ST18: variants seen among roughly 807,000 people sequenced by gnomAD.
ST18 encodes the protein ST18 C2H2C-type zinc finger transcription factor, also known as suppression of tumorigenicity 18 protein.
Under a neutral mutation model 110.0 loss-of-function variants are expected in ST18, and 50 were observed. The observed-to-expected ratio is 0.45, with a 90% CI of 0.36 to 0.58. The LOEUF (loss-of-function observed/expected upper bound fraction) is 0.58, where lower values mean the gene tolerates loss of function less well. Ranked by LOEUF, ST18 falls within the 20% of genes least tolerant of loss-of-function variation. ST18 has a pLI of 0.00. For synonymous variants in ST18, 461 were observed against 452.4 expected (o/e 1.02, Z -0.24); for missense variants, 1,306 against 1,280.1 (o/e 1.02, Z -0.31).
In ST18 at chr8:52,118,558, A is replaced by C. The variant is rs1377082222; in HGVS notation, c.2756-117T>G. ...AGACTTTCATTTAGTGTTTTTACCA[A>C]AACAATGCATATCTAGGATTCTGAA... On this transcript the variant is annotated intron_variant, in intron 23 of 25. Transcript: ENST00000689386. 4 of 561,608 alleles carry C rather than the reference A, an allele frequency of 7.1e-6. No homozygotes were observed. The East Asian group carries it at 1.2e-4, about 17-fold the overall frequency. 34.8% of individuals were successfully genotyped at this position (561,608 alleles called of 1,614,324 possible).
chr8:52,256,325 C>T (rs566134367), intron 2 of ST18, among the ~76,000 whole-genome samples: 8 of 152,302 alleles, frequency 5.3e-5, no homozygotes, highest in African/African-American at 1.2e-4. Flanking sequence ...GATACTCCAA[C>T]GCAAGGACAA....
At chr8:52,287,035 G>T (rs2095482089) in intron 2 of ST18, among the ~76,000 whole-genome samples, 1 of 152,064 alleles carries the variant, frequency 6.6e-6, no homozygotes, top group Non-Finnish European at 1.5e-5. Context: ...GGCTGAAACA[G>T]GTTACAGATT....
intron 2 of ST18, chr8:52,405,870 G>A (rs1450863449): frequency 6.6e-6 from 1 of 152,090 alleles, no homozygotes; most frequent in Non-Finnish European, 1.5e-5. Context: ...TGGGGGAAGG[G>A]GTGGTCATCA....
chr8:52,262,297 T>C (rs1190580316), intron 2 of ST18, among the ~76,000 whole-genome samples: 1 of 152,166 alleles, frequency 6.6e-6, no homozygotes, highest in Non-Finnish European at 1.5e-5. Context: ...TTCCAACACA[T>C]AAACTTTTGG....
At chr8:52,286,923 C>T (rs1482424336) in intron 2 of ST18, among the ~76,000 whole-genome samples, 2 of 151,990 alleles carry the variant, frequency 1.3e-5, no homozygotes. Flanking sequence ...AACCAACCCA[C>T]CACGGCTTGA....
At chr8:52,368,283 A>T (rs1056615538) in intron 2 of ST18, among the ~76,000 whole-genome samples, 34 of 152,372 alleles carry the variant, frequency 2.2e-4, no homozygotes, top group African/African-American at 7.9e-4. Flanking sequence ...TTCTAAAAGA[A>T]GGAAAATAGT....
chr8:52,268,241 C>T (rs1004514193), intron 2 of ST18, among the ~76,000 whole-genome samples: 11 of 152,188 alleles, frequency 7.2e-5, no homozygotes, highest in African/African-American at 2.4e-4. Flanking sequence ...AAAGAGTTGT[C>T]TGCAAGTTTT....
chr8:52,185,409 G>T (rs988602764), intron 8 of ST18, among the ~76,000 whole-genome samples: 1 of 152,084 alleles, frequency 6.6e-6, no homozygotes, highest in Non-Finnish European at 1.5e-5. Flanking sequence ...TTTCTTAGAA[G>T]TTTACAAGTT....
At chr8:52,406,966 G>GC (rs1564674755) in intron 2 of ST18, 2 of 152,144 alleles carry the variant, frequency 1.3e-5, no homozygotes, top group Non-Finnish European at 2.9e-5. Flanking sequence ...TTTGTTATGC[G>GC]TTCGTGAACT....
Position 52,149,978 on chromosome 8 carries a change from C to A in ST18, c.1807-1G>T. ...TTTCATCCACTTCTATTTCGGCTCC[C>A]TGGTATACAATAGGAAACAGAAAAA... On this transcript the variant is annotated splice_acceptor_variant, in intron 15 of 25. Transcript: ENST00000689386. LOFTEE classifies it high-confidence loss of function. 1 of 1,612,622 alleles carries A rather than the reference C, an allele frequency of 6.2e-7. No individual in the cohort carries two copies. The highest frequency in any genetic ancestry group is 8.5e-7 in the Non-Finnish European group (1 of 1,179,324).
At chr8:52,342,620 C>T (rs1306542949) in intron 2 of ST18, among the ~76,000 whole-genome samples, 1 of 152,228 alleles carries the variant, frequency 6.6e-6, no homozygotes, top group Admixed American at 6.5e-5. Context: ...GCACACAAAC[C>T]TCCCAGGGGC....
chr8:52,187,494 G>A (rs1339200710), intron 8 of ST18, among the ~76,000 whole-genome samples: 1 of 152,208 alleles, frequency 6.6e-6, no homozygotes, highest in Non-Finnish European at 1.5e-5. Context: ...AGTGAACACA[G>A]CCAATGATGG....
chr8:52,238,147 G>A (rs1424524721), intron 2 of ST18, among the ~76,000 whole-genome samples: 1 of 152,174 alleles, frequency 6.6e-6, no homozygotes, highest in Non-Finnish European at 1.5e-5. Flanking sequence ...TTGAAAAATA[G>A]CTGGCAATTT....
At chr8:52,365,121 A>AT (rs1827328256) in intron 2 of ST18, among the ~76,000 whole-genome samples, 2 of 151,416 alleles carry the variant, frequency 1.3e-5, no homozygotes, top group Admixed American at 6.6e-5. Context: ...CTTAAAAAAA[A>AT]AATAAAGAGA....
chr8:52,166,740 A>G, intron 11 of ST18, 112 bp downstream of exon 11: 3 of 1,340,392 alleles, frequency 2.2e-6, no homozygotes, highest in Non-Finnish European at 2.9e-6. Flanking sequence ...GGCTTGACAT[A>G]GTTTAAAAAA....
chr8:52,171,851 C>A lies in ST18; in HGVS notation c.1010G>T (p.Gly337Val), dbSNP rs774651497. ...GATAACTTTGGTTTGCCTCCTTTCC[C>A]CTGCTAGGTGCTCCAGCAGGAACCT... ...LDRFLLEHLA[G>V]ERRQTKVIDM... Residue 337 changes from glycine to valine, a missense_variant, in exon 10 of 26, where the codon GGG (glycine) becomes GTG (valine). Coordinates refer to ENST00000689386, the MANE Select transcript of ST18 (RefSeq NM_001352837.2). The A allele has an allele frequency of 3.1e-6, 5 of 1,614,052 alleles. No individual in the cohort carries two copies. Among genetic ancestry groups the A allele is most frequent in the Non-Finnish European group, 4.2e-6 (5 of 1,180,028 alleles).
intron 2 of ST18, among the ~76,000 whole-genome samples, chr8:52,355,035 A>G (rs1385257770): frequency 6.6e-6 from 1 of 152,226 alleles, no homozygotes; most frequent in East Asian, 1.9e-4. Context: ...ATAGCTCTAG[A>G]GGGAACTCAG....
chr8:52,293,966 C>T (rs939617110), intron 2 of ST18, among the ~76,000 whole-genome samples: 5 of 152,210 alleles, frequency 3.3e-5, no homozygotes, highest in Non-Finnish European at 7.3e-5. Flanking sequence ...ACAGCTGACT[C>T]AGGGTTTCAC....
chr8:52,359,643 T>C (rs1035139719), intron 2 of ST18, among the ~76,000 whole-genome samples: 1 of 152,074 alleles, frequency 6.6e-6, no homozygotes, highest in Non-Finnish European at 1.5e-5. Flanking sequence ...AAATGATTTG[T>C]CCCTATTCAA....
Sources: allele counts gnomAD v4.1 joint callset (sites outside exome capture counted in the v4.1 genomes callset), GRCh38; gene constraint gnomAD v4.1.1; transcripts MANE v1.5; gene names NCBI Gene and HGNC (gene_info 2026-07-23, HGNC 2026-07-21).